SV2B: variants seen among roughly 807,000 people sequenced by gnomAD.
SV2B encodes the protein solute carrier family 22 member B2.
In SV2B, 41 loss-of-function variants were observed where a neutral mutation model predicts 73.9. The ratio of observed to expected loss-of-function variants is 0.56; its 90% CI spans 0.43 to 0.72. The LOEUF (loss-of-function observed/expected upper bound fraction) is 0.72. Ranked by LOEUF, SV2B falls within the 30% of genes least tolerant of loss-of-function variation. The probability of loss-of-function intolerance (pLI) is 0.00; values close to 1 mark genes in which losing one functional copy is unlikely to be tolerated. For missense variants in SV2B, 764 were observed against 857.8 expected (o/e 0.89, Z 1.37); for synonymous variants, 314 against 314.2 (o/e 1.00, Z 0.01).
intron 7 of SV2B, 100 bp downstream of exon 7, chr15:91,266,792 G>C: frequency 1.0e-6 from 1 of 974,566 alleles, no homozygotes; most frequent in Non-Finnish European, 1.5e-6. Flanking sequence ...CACCAACCTG[G>C]GCCAGCGTGA....
intron 2 of SV2B, among the ~76,000 whole-genome samples, chr15:91,233,849 C>T (rs1000662803): frequency 1.6e-4 from 25 of 152,184 alleles, no homozygotes; most frequent in Admixed American, 1.0e-3. Context: ...TCCCATCAGG[C>T]CTCTAAAGGT....
At chr15:91,180,416 A>G (rs559926514) in intron 1 of SV2B, among the ~76,000 whole-genome samples, 190 of 151,714 alleles carry the variant, frequency 1.3e-3, no homozygotes, top group African/African-American at 4.3e-3. Flanking sequence ...CGTTCTCTGT[A>G]TTTCCTGAAT....
At position 91,137,628 on chromosome 15, in the gene SV2B, C is replaced by CATATATTTCATATATACAT. The variant is rs1435485314; in HGVS notation, c.-392+37289_-392+37307dup. Among the ~76,000 whole-genome samples the CATATATTTCATATATACAT allele has an allele frequency of 2.9e-5, 1 of 34,894 alleles. No homozygotes were observed. The highest frequency in any genetic ancestry group is 1.1e-3 in the South Asian group (1 of 928). 22.9% of individuals were successfully genotyped at this position (34,894 alleles called of 152,430 possible). ...ATTTCATATATATATTTCATATATA[C>CATATATTTCATATATACAT]ATATATTTCATATATACATATATAT... On this transcript the variant is annotated intron_variant, in intron 1 of 12. Coordinates refer to ENST00000394232, the MANE Select transcript of SV2B (RefSeq NM_001323032.3). The surrounding 1 kb of genome is among the most constrained non-coding windows in gnomAD (Gnocchi z 4.9).
At chr15:91,109,507 A>G (rs1040363747) in intron 1 of SV2B, among the ~76,000 whole-genome samples, 5 of 152,214 alleles carry the variant, frequency 3.3e-5, no homozygotes, top group Admixed American at 2.6e-4. Context: ...GAACACTGCT[A>G]AGGAGATGGA....
rs757121981 is a variant in SV2B at position 91,280,319 on chromosome 15, A to G, written c.1374-1409A>G. ...GCCCTTTTGAAAAGGAACAATGGCC[A>G]TCAGCACCCTGTGCTATCTCTGTCA... On this transcript the variant is annotated intron_variant, in intron 9 of 12. Coordinates refer to ENST00000394232, the MANE Select transcript of SV2B (RefSeq NM_001323032.3). This position sits in a 1 kb window ranked among gnomAD's most constrained non-coding sequence, Gnocchi z 5.8. 3.3e-5 allele frequency among the ~76,000 whole-genome samples: 5 copies of G among 152,214 alleles called. No homozygotes were observed. The highest frequency in any genetic ancestry group is 2.1e-4 in the South Asian group (1 of 4,834).
chr15:91,237,305 G>A lies in SV2B; in HGVS notation c.451+10591G>A, dbSNP rs2046822668. 2.0e-5 allele frequency among the ~76,000 whole-genome samples: 3 copies of A among 152,122 alleles called. No homozygotes were observed. The South Asian group carries it at 6.2e-4, about 32-fold the overall frequency. On this transcript the variant is annotated intron_variant, in intron 2 of 12. Transcript: ENST00000394232. ...CTGAGGGGCCGTCCTTTCCATTGTAGGATGCCTAGCAGCATCCCTAGCCTC... is the reference window on the plus strand; with the variant it reads ...CTGAGGGGCCGTCCTTTCCATTGTAAGATGCCTAGCAGCATCCCTAGCCTC...
intron 9 of SV2B, among the ~76,000 whole-genome samples, chr15:91,276,134 A>G (rs1274360563): frequency 6.7e-6 from 1 of 150,236 alleles, no homozygotes; most frequent in African/African-American, 2.5e-5. Context: ...ATACTTTCTG[A>G]TGAGAAGTCT....
At chr15:91,282,194 T>C (rs900558995) in intron 10 of SV2B, among the ~76,000 whole-genome samples, 3 of 152,228 alleles carry the variant, frequency 2.0e-5, no homozygotes, top group African/African-American at 7.2e-5. Flanking sequence ...ACAACTGGCA[T>C]TCCAGGAGGG....
intron 1 of SV2B, among the ~76,000 whole-genome samples, chr15:91,119,689 T>C (rs957951701): frequency 1.3e-5 from 2 of 152,254 alleles, no homozygotes; most frequent in African/African-American, 4.8e-5. Flanking sequence ...GTAGAAAGCT[T>C]GTTCTAGTTA....
chr15:91,144,532 A>G (rs2043089846), intron 1 of SV2B, among the ~76,000 whole-genome samples: 2 of 152,200 alleles, frequency 1.3e-5, no homozygotes, highest in African/African-American at 4.8e-5. Flanking sequence ...TCCTCCTGCT[A>G]TAATACTTTC....
chr15:91,221,829 G>T (rs2046229644), intron 1 of SV2B, among the ~76,000 whole-genome samples: 1 of 152,084 alleles, frequency 6.6e-6, no homozygotes, highest in Non-Finnish European at 1.5e-5. Context: ...GCCCTGCCCT[G>T]CTGCACTGCA....
chr15:91,248,359 G>A (rs943134300), intron 2 of SV2B, among the ~76,000 whole-genome samples: 3 of 152,106 alleles, frequency 2.0e-5, no homozygotes, highest in Non-Finnish European at 4.4e-5. Flanking sequence ...ATGGCCTTAA[G>A]TAGTTTAATC....
chr15:91,125,799 A>AAAAAAAAAAAAAAAAAAAAAG (rs1367619738), intron 1 of SV2B, among the ~76,000 whole-genome samples: 1 of 150,870 alleles, frequency 6.6e-6, no homozygotes. Context: ...AAAAAAAAAA[A>AAAAAAAAAAAAAAAAAAAAAG]ATTCAGTCAT....
intron 4 of SV2B, among the ~76,000 whole-genome samples, chr15:91,254,021 A>G (rs2047589039): frequency 2.0e-5 from 3 of 152,224 alleles, no homozygotes; most frequent in Admixed American, 2.0e-4. Context: ...AATTTTAGAT[A>G]CAAAATTGTA....
intron 1 of SV2B, among the ~76,000 whole-genome samples, chr15:91,111,987 A>G (rs1434247320): frequency 6.6e-6 from 1 of 152,036 alleles, no homozygotes. Context: ...TACCCCCATG[A>G]TCCTATTACC....
chr15:91,211,187 C>T (rs1441919541), intron 1 of SV2B, among the ~76,000 whole-genome samples: 2 of 152,228 alleles, frequency 1.3e-5, no homozygotes, highest in Non-Finnish European at 2.9e-5. Context: ...TGTCAGGGAA[C>T]TGAGGTGAGA....
intron 4 of SV2B, among the ~76,000 whole-genome samples, chr15:91,256,198 A>G (rs2047683703): frequency 6.6e-6 from 1 of 152,230 alleles, no homozygotes; most frequent in South Asian, 2.1e-4. Flanking sequence ...AAGCTAGAAG[A>G]TCAGCAAACA....
intron 12 of SV2B, among the ~76,000 whole-genome samples, chr15:91,291,108 A>AAT (rs61069565): frequency 0.096 from 14,194 of 148,084 alleles, 1,178 homozygotes; most frequent in African/African-American, 0.22. Flanking sequence ...ATTATATATA[A>AAT]ATATATATAT....
Position 91,281,670 on chromosome 15 carries a change from G to C in SV2B, c.1374-58G>C. The C allele has an allele frequency of 6.6e-7, 1 of 1,507,836 alleles. No individual in the cohort carries two copies. Among genetic ancestry groups the C allele is most frequent in the South Asian group, 1.4e-5 (1 of 73,140 alleles). The allele number at this position is 1,507,836 out of a possible 1,614,324, so 93.4% of individuals were successfully genotyped here. A position where few individuals can be genotyped will look rare whatever the true frequency, so the allele number is the denominator to read the frequency against. The stretch of plus-strand genomic sequence containing the variant: ...TCTGCCTTGCTGTGTTTTCCATTTT[G>C]GTCTTAAGTCTCTTTTTTTCTCAGA... On this transcript the variant is annotated intron_variant, in intron 9 of 12. Coordinates refer to ENST00000394232, the MANE Select transcript of SV2B (RefSeq NM_001323032.3). The surrounding 1 kb of genome is among the most constrained non-coding windows in gnomAD (Gnocchi z 4.7).
Sources: gnomAD v4.1 joint callset for allele counts (sites outside exome capture counted in the v4.1 genomes callset) on GRCh38, gnomAD v4.1.1 for gene constraint, Gnocchi (gnomAD v3.1) non-coding constraint, MANE v1.5 for transcripts, NCBI Gene and HGNC (gene_info 2026-07-23, HGNC 2026-07-21) for gene names.